The following GALNT13 variants were observed in gnomAD, a reference collection of about 807,000 sequenced individuals.
GALNT13 encodes the protein UDP-GalNAc:polypeptide N-acetylgalactosaminyltransferase 13.
GALNT13 carries 28 observed loss-of-function variants against 64.2 expected under a neutral mutation model. The ratio of observed to expected loss-of-function variants is 0.44; its 90% CI spans 0.32 to 0.60. The LOEUF (loss-of-function observed/expected upper bound fraction) is 0.60, where lower values mean the gene tolerates loss of function less well. Among genes scored for constraint, GALNT13 ranks in the 20% least tolerant of loss-of-function variants. The probability of loss-of-function intolerance (pLI) is 0.05; values close to 1 mark genes in which losing one functional copy is unlikely to be tolerated. For missense variants in GALNT13, 577 were observed against 669.8 expected (o/e 0.86, Z 1.53); for synonymous variants, 214 against 224.6 (o/e 0.95, Z 0.42).
the GALNT13 span, among the ~76,000 whole-genome samples, chr2:153,846,348 T>C: frequency 6.6e-6 from 1 of 152,238 alleles, no homozygotes; most frequent in Admixed American, 6.5e-5. Flanking sequence ...ATACTGCCAC[T>C]GTCATTTTCA....
At chr2:154,327,784 T>A (rs1333465276) in intron 9 of GALNT13, among the ~76,000 whole-genome samples, 3 of 152,106 alleles carry the variant, frequency 2.0e-5, no homozygotes, top group Non-Finnish European at 4.4e-5. Context: ...AACAATGTAC[T>A]CCTGTACATT....
the GALNT13 span, among the ~76,000 whole-genome samples, chr2:153,405,527 T>C: frequency 6.6e-6 from 1 of 152,198 alleles, no homozygotes; most frequent in Non-Finnish European, 1.5e-5. Flanking sequence ...TAGCTAAAGC[T>C]GAACTATTTT....
intron 3 of GALNT13, among the ~76,000 whole-genome samples, chr2:153,978,386 A>G (rs1385471621): frequency 1.3e-5 from 2 of 152,020 alleles, no homozygotes; most frequent in Non-Finnish European, 2.9e-5. Flanking sequence ...ACCTTTGTCA[A>G]GTATCATAGT....
intron 4 of GALNT13, among the ~76,000 whole-genome samples, chr2:154,194,436 T>C (rs1559017423): frequency 6.6e-6 from 1 of 152,192 alleles, no homozygotes; most frequent in Non-Finnish European, 1.5e-5. Flanking sequence ...AGTTTAACTA[T>C]GAAAATACAG....
At chr2:153,757,388 A>G in the GALNT13 span, among the ~76,000 whole-genome samples, 3 of 152,188 alleles carry the variant, frequency 2.0e-5, no homozygotes, top group African/African-American at 4.8e-5. Flanking sequence ...CATTCTGTGT[A>G]TATACTACGT....
At chr2:154,275,119 A>T (rs1691571315) in intron 8 of GALNT13, among the ~76,000 whole-genome samples, 1 of 152,206 alleles carries the variant, frequency 6.6e-6, no homozygotes, top group Admixed American at 6.5e-5. Context: ...AGACCATTTA[A>T]GAAGAAGCAG....
the GALNT13 span, among the ~76,000 whole-genome samples, chr2:153,783,555 T>C: frequency 2.6e-5 from 4 of 152,272 alleles, no homozygotes; most frequent in South Asian, 4.2e-4. Flanking sequence ...CAACCTGGAC[T>C]TCACACCCTT....
chr2:153,985,440 C>G (rs1284580961), intron 3 of GALNT13, among the ~76,000 whole-genome samples: 1 of 151,904 alleles, frequency 6.6e-6, no homozygotes, highest in Admixed American at 6.6e-5. Flanking sequence ...TCTTGTATAT[C>G]AAGCTTTCCA....
the GALNT13 span, among the ~76,000 whole-genome samples, chr2:153,123,096 CAG>C: frequency 6.6e-6 from 1 of 151,970 alleles, no homozygotes; most frequent in Non-Finnish European, 1.5e-5. Flanking sequence ...ACAGAAGACA[CAG>C]GGATGAATGC....
chr2:153,355,399 TG>T, the GALNT13 span, among the ~76,000 whole-genome samples: 1 of 152,210 alleles, frequency 6.6e-6, no homozygotes, highest in Non-Finnish European at 1.5e-5. Context: ...AATTAATCTC[TG>T]TATATGTCTG....
Position 154,242,883 on chromosome 2 carries a change from C to T in GALNT13, c.664C>T (p.Leu222=), listed in dbSNP as rs764962483. Residue 222 remains leucine, a synonymous_variant, in exon 6 of 13, where the codon CTG becomes TTG. Transcript: ENST00000392825. The part of the protein sequence containing the change: ...ECTLGWLEPL[L]ARIKEDRKTV... ...CACGTTAGGATGGCTGGAGCCTTTG[C>T]TGGCAAGAATAAAGGAAGACAGGTA... 1 of 1,614,012 alleles carries T rather than the reference C, an allele frequency of 6.2e-7. No individual in the cohort carries two copies. Among genetic ancestry groups the T allele is most frequent in the East Asian group, 2.2e-5 (1 of 44,846 alleles).
Position 154,450,633 on chromosome 2 carries a change from G to A in GALNT13, c.*82G>A. The stretch of plus-strand genomic sequence containing the variant: ...ATTGGGGGAAAATATTAACTTTGCT[G>A]AATTGAAAGTTTTAAAAATCCTTTT... On this transcript the variant is annotated 3_prime_UTR_variant, in exon 13 of 13. Coordinates refer to ENST00000392825, the MANE Select transcript of GALNT13 (RefSeq NM_052917.4). The A allele has an allele frequency of 7.9e-7, 1 of 1,264,568 alleles. No individual in the cohort carries two copies. Among genetic ancestry groups the A allele is most frequent in the South Asian group, 1.7e-5 (1 of 57,460 alleles). The allele number at this position is 1,264,568 out of a possible 1,614,324, so 78.3% of individuals were successfully genotyped here.
chr2:154,132,570 A>C (rs555505762), intron 3 of GALNT13, among the ~76,000 whole-genome samples: 1 of 152,212 alleles, frequency 6.6e-6, no homozygotes, highest in Non-Finnish European at 1.5e-5. Flanking sequence ...ACAAACACAC[A>C]TGCATATACA....
rs1188035624 is a variant in GALNT13 at position 154,299,455 on chromosome 2, C to CTT, written c.976-1936_976-1935dup. On this transcript the variant is annotated intron_variant, in intron 8 of 12. Coordinates refer to ENST00000392825, the MANE Select transcript of GALNT13 (RefSeq NM_052917.4). ...GAGGAAGTTATCAATCAATGAAATA[C>CTT]TTTTTTTTTTTTTTTTTTTGAGACA... Among the ~76,000 whole-genome samples, 89 of 131,510 alleles carry CTT rather than the reference C, an allele frequency of 6.8e-4. 1 individual carries two copies. The highest frequency in any genetic ancestry group is 1.6e-3 in the East Asian group (7 of 4,412). 86.3% of individuals were successfully genotyped at this position (131,510 alleles called of 152,430 possible). A position where few individuals can be genotyped will look rare whatever the true frequency, so the allele number is the denominator to read the frequency against.
intron 8 of GALNT13, among the ~76,000 whole-genome samples, 194 bp downstream of exon 8, chr2:154,259,332 A>G (rs1355693028): frequency 2.0e-5 from 3 of 152,208 alleles, no homozygotes; most frequent in Non-Finnish European, 4.4e-5. Flanking sequence ...GGGAAATTAT[A>G]GGTAATTTTT....
At chr2:154,043,455 T>TATATACACACAC (rs1341373277) in intron 3 of GALNT13, among the ~76,000 whole-genome samples, 10 of 104,988 alleles carry the variant, frequency 9.5e-5, no homozygotes, top group African/African-American at 4.0e-4. Context: ...TATATATATA[T>TATATACACACAC]ACACACATGT....
intron 9 of GALNT13, among the ~76,000 whole-genome samples, chr2:154,351,131 A>G (rs889716587): frequency 6.6e-6 from 1 of 152,024 alleles, no homozygotes; most frequent in Non-Finnish European, 1.5e-5. Flanking sequence ...GAAGCACTTG[A>G]GGAGGCCCTG....
chr2:153,834,124 A>G, the GALNT13 span, among the ~76,000 whole-genome samples: 9 of 152,136 alleles, frequency 5.9e-5, no homozygotes, highest in East Asian at 1.9e-4. Flanking sequence ...AATTTGTACC[A>G]CTTGTAGCTG....
intron 4 of GALNT13, among the ~76,000 whole-genome samples, chr2:154,241,406 C>T (rs968665186): frequency 6.6e-6 from 1 of 152,186 alleles, no homozygotes; most frequent in Non-Finnish European, 1.5e-5. Context: ...TGACTGTGCA[C>T]ATTACAGTTT....
Sources: allele counts gnomAD v4.1 joint callset (sites outside exome capture counted in the v4.1 genomes callset), GRCh38; gene constraint gnomAD v4.1.1; transcripts MANE v1.5; gene names NCBI Gene and HGNC (gene_info 2026-07-23, HGNC 2026-07-21).